Variants in MBNL2 observed in about 807,000 individuals in gnomAD.
MBNL2 encodes muscleblind like splicing regulator 2.
Under a neutral mutation model 41.9 loss-of-function variants are expected in MBNL2, and 17 were observed. That is an observed-to-expected ratio of 0.41 (90% CI 0.28 to 0.61). MBNL2 has a LOEUF of 0.61. Ranked by LOEUF, MBNL2 falls within the 20% of genes least tolerant of loss-of-function variation. MBNL2 has a pLI of 0.35. For missense variants in MBNL2, 336 were observed against 505.6 expected (o/e 0.66, Z 3.22); for synonymous variants, 195 against 182.9 (o/e 1.07, Z -0.53).
the MBNL2 span, among the ~76,000 whole-genome samples, chr13:97,199,374 G>A: frequency 6.6e-6 from 1 of 152,050 alleles, no homozygotes; most frequent in Non-Finnish European, 1.5e-5. Context: ...CACACTCTTT[G>A]ATCTGATGTC....
intron 1 of MBNL2, among the ~76,000 whole-genome samples, chr13:97,253,889 A>G (rs1594099328): frequency 6.6e-6 from 1 of 151,822 alleles, no homozygotes; most frequent in African/African-American, 2.4e-5. Context: ...AGGAATTTTC[A>G]ATACAATTTT....
the MBNL2 span, among the ~76,000 whole-genome samples, chr13:97,166,281 T>C: frequency 6.6e-6 from 1 of 152,376 alleles, no homozygotes; most frequent in East Asian, 1.9e-4. Flanking sequence ...CCTTGTGGTC[T>C]GTTAACATAT....
the MBNL2 span, among the ~76,000 whole-genome samples, chr13:97,176,963 A>G: frequency 6.6e-6 from 1 of 152,160 alleles, no homozygotes; most frequent in Non-Finnish European, 1.5e-5. Flanking sequence ...GGCAGAAAAA[A>G]AATATAGAGA....
At chr13:97,145,368 GAA>G in the MBNL2 span, among the ~76,000 whole-genome samples, 5 of 152,208 alleles carry the variant, frequency 3.3e-5, no homozygotes, top group Admixed American at 2.6e-4. Context: ...AATTGGTAAT[GAA>G]AGAGAGAAAA....
At chr13:97,209,026 T>C in the MBNL2 span, among the ~76,000 whole-genome samples, 1 of 152,166 alleles carries the variant, frequency 6.6e-6, no homozygotes, top group Non-Finnish European at 1.5e-5. Flanking sequence ...AGTTCTTAAA[T>C]GCGGGGGCAA....
chr13:97,263,209 TA>T (rs2048993772), intron 1 of MBNL2, among the ~76,000 whole-genome samples: 1 of 152,196 alleles, frequency 6.6e-6, no homozygotes, highest in South Asian at 2.1e-4. Context: ...CACTGCAGTG[TA>T]ATTTTTGACC....
intron 2 of MBNL2, among the ~76,000 whole-genome samples, chr13:97,307,599 A>G (rs2058240384): frequency 6.6e-6 from 1 of 152,230 alleles, no homozygotes; most frequent in Non-Finnish European, 1.5e-5. Context: ...GAAGGGAAAA[A>G]TAAATTCAAA....
At chr13:97,343,626 G>A (rs142669124) in intron 4 of MBNL2, among the ~76,000 whole-genome samples, 94 of 152,278 alleles carry the variant, frequency 6.2e-4, no homozygotes, top group African/African-American at 2.0e-3. Context: ...CAGGGCAGCC[G>A]AGGACACTCA....
intron 3 of MBNL2, among the ~76,000 whole-genome samples, chr13:97,339,016 G>A (rs1023184669): frequency 1.4e-5 from 2 of 145,434 alleles, no homozygotes; most frequent in African/African-American, 5.0e-5. Context: ...TGTTGAGTAC[G>A]TAAGTATGAA....
At chr13:97,383,072 A>G (rs2065621172) in intron 8 of MBNL2, among the ~76,000 whole-genome samples, 1 of 152,158 alleles carries the variant, frequency 6.6e-6, no homozygotes, top group Non-Finnish European at 1.5e-5. Context: ...CTTCATCCTC[A>G]TTTATATCAT....
At chr13:97,230,769 T>C (rs1566354212) in intron 1 of MBNL2, among the ~76,000 whole-genome samples, 1 of 152,224 alleles carries the variant, frequency 6.6e-6, no homozygotes, top group Non-Finnish European at 1.5e-5. Context: ...GTTGAACTAC[T>C]CTCCTGCACA....
the MBNL2 span, among the ~76,000 whole-genome samples, chr13:97,181,993 A>G: frequency 2.0e-5 from 3 of 152,218 alleles, no homozygotes; most frequent in African/African-American, 7.2e-5. Context: ...TTTTAGGCTC[A>G]TCATTGCCAC....
chr13:97,151,383 T>C, the MBNL2 span, among the ~76,000 whole-genome samples: 1 of 152,104 alleles, frequency 6.6e-6, no homozygotes, highest in East Asian at 1.9e-4. Flanking sequence ...ATGACAAGTA[T>C]ATTTCTTCAA....
Position 97,354,693 on chromosome 13 carries a change from T to C in MBNL2, c.805-2103T>C, listed in dbSNP as rs559536705. 3.3e-5 allele frequency among the ~76,000 whole-genome samples: 5 copies of C among 152,368 alleles called. No individual in the cohort carries two copies. The South Asian group carries it at 1.0e-3, about 32-fold the overall frequency. ...AAAGGGAAATATTTATTATTTTTCA[T>C]TGTACTTGGAGATTTCATTAAATGA... On this transcript the variant is annotated intron_variant, in intron 5 of 8. Transcript: ENST00000679496.
intron 4 of MBNL2, among the ~76,000 whole-genome samples, chr13:97,343,768 C>G (rs754534966): frequency 5.3e-5 from 8 of 152,174 alleles, no homozygotes; most frequent in African/African-American, 1.9e-4. Context: ...TGTTGCTAAA[C>G]AGGGGAAATT....
the MBNL2 span, among the ~76,000 whole-genome samples, chr13:97,183,600 G>A: frequency 6.6e-6 from 1 of 152,332 alleles, no homozygotes; most frequent in East Asian, 1.9e-4. Context: ...AGCACCTGGT[G>A]TTTTACAGTT....
At chr13:97,298,776 G>A (rs2057323430) in intron 2 of MBNL2, among the ~76,000 whole-genome samples, 1 of 152,176 alleles carries the variant, frequency 6.6e-6, no homozygotes, top group Non-Finnish European at 1.5e-5. Flanking sequence ...AGGGAATGAT[G>A]GGGAAGTTTT....
At chr13:97,148,690 C>A in the MBNL2 span, among the ~76,000 whole-genome samples, 4 of 152,108 alleles carry the variant, frequency 2.6e-5, no homozygotes, top group African/African-American at 7.2e-5. Context: ...ATAGAAAAGA[C>A]AAATCACCAT....
At chr13:97,313,790 C>T (rs2058806088) in intron 2 of MBNL2, among the ~76,000 whole-genome samples, 1 of 152,154 alleles carries the variant, frequency 6.6e-6, no homozygotes, top group African/African-American at 2.4e-5. Flanking sequence ...TAGTGTGGCC[C>T]ACTACACCTG....
Sources: allele counts gnomAD v4.1 joint callset (sites outside exome capture counted in the v4.1 genomes callset), GRCh38; gene constraint gnomAD v4.1.1; transcripts MANE v1.5; gene names NCBI Gene and HGNC (gene_info 2026-07-23, HGNC 2026-07-21).